AGBL1: variants seen among roughly 807,000 people sequenced by gnomAD.
AGBL1 encodes the protein cytosolic carboxypeptidase 4.
A neutral mutation model predicts 118.9 loss-of-function variants in AGBL1; 130 were observed. The observed-to-expected ratio is 1.09, with a 90% confidence interval of 0.95 to 1.26. AGBL1 has a LOEUF of 1.26. Ranked by LOEUF, AGBL1 falls within the 50% of genes most tolerant of loss-of-function variation. The pLI, the probability that AGBL1 is intolerant of heterozygous loss-of-function variation, is 0.00. For missense variants in AGBL1, 1,584 were observed against 1,298.1 expected (o/e 1.22, Z -3.38); for synonymous variants, 555 against 478.9 (o/e 1.16, Z -2.08).
At chr15:87,023,757 T>G (rs1393476579) in intron 24 of AGBL1, among the ~76,000 whole-genome samples, 1 of 151,966 alleles carries the variant, frequency 6.6e-6, no homozygotes, top group Non-Finnish European at 1.5e-5. Flanking sequence ...TCAATAAATT[T>G]AAGAAAATTG....
intron 24 of AGBL1, among the ~76,000 whole-genome samples, chr15:87,017,819 G>C (rs1242000434): frequency 6.6e-6 from 1 of 152,076 alleles, no homozygotes; most frequent in Admixed American, 6.6e-5. Flanking sequence ...GACAGAAGTA[G>C]GCTTCAGAAG....
chr15:86,677,667 C>T (rs988593892), intron 22 of AGBL1, among the ~76,000 whole-genome samples: 1 of 152,188 alleles, frequency 6.6e-6, no homozygotes, highest in Non-Finnish European at 1.5e-5. Context: ...AGCTGTGCCT[C>T]AGCAATGGCT....
At chr15:86,397,620 C>T (rs899465584) in intron 18 of AGBL1, 74 bp downstream of exon 18, 208 of 1,415,614 alleles carry the variant, frequency 1.5e-4, no homozygotes, top group African/African-American at 8.6e-5. Flanking sequence ...ACCAAGTAGG[C>T]GTGATTGGAG....
At chr15:86,228,382 G>A (rs957761011) in intron 6 of AGBL1, among the ~76,000 whole-genome samples, 4 of 152,154 alleles carry the variant, frequency 2.6e-5, no homozygotes, top group African/African-American at 9.7e-5. Context: ...CTTGATCTTT[G>A]CTTGTCAGTG....
intron 23 of AGBL1, among the ~76,000 whole-genome samples, chr15:86,975,005 G>A (rs72757462): frequency 0.04 from 6,088 of 152,084 alleles, 151 homozygotes; most frequent in Middle Eastern, 0.068. Context: ...AAAATAAGTG[G>A]TTTTGGGGAA....
intron 22 of AGBL1, among the ~76,000 whole-genome samples, chr15:86,826,332 C>A (rs532964745): frequency 6.6e-6 from 1 of 152,102 alleles, no homozygotes; most frequent in East Asian, 1.9e-4. Context: ...TGGTAAAGTC[C>A]GAGGGATGCA....
At position 86,377,186 on chromosome 15, in the gene AGBL1, T is replaced by C. The variant is rs149203671; in HGVS notation, c.2375-20180T>C. Among the ~76,000 whole-genome samples the C allele has an allele frequency of 1.1e-3, 162 of 152,342 alleles. 2 individuals carry two copies. Among genetic ancestry groups the C allele is most frequent in the Non-Finnish European group, 2.2e-3 (149 of 68,038 alleles). On this transcript the variant is annotated intron_variant, in intron 17 of 22. Transcript: ENST00000614907. Reference sequence around the variant, plus strand: ...CCATTCATCTGGGTGCATTGGATTATATGGACCAATGCCCCAAGAGATGGA... The same window carrying C: ...CCATTCATCTGGGTGCATTGGATTACATGGACCAATGCCCCAAGAGATGGA...
intron 22 of AGBL1, among the ~76,000 whole-genome samples, chr15:86,728,576 TA>T (rs879642938): frequency 8.5e-5 from 13 of 152,244 alleles, no homozygotes; most frequent in East Asian, 5.8e-4. Flanking sequence ...TGGGGCTAAA[TA>T]AAAAAACCTT....
intron 22 of AGBL1, among the ~76,000 whole-genome samples, chr15:86,694,794 T>C (rs956714352): frequency 6.6e-6 from 1 of 152,142 alleles, no homozygotes; most frequent in Admixed American, 6.6e-5. Context: ...CTGAAGGTTT[T>C]AGTCATAAAG....
At chr15:86,644,025 TTAAAC>T (rs1480534793) in intron 21 of AGBL1, among the ~76,000 whole-genome samples, 3 of 152,304 alleles carry the variant, frequency 2.0e-5, no homozygotes, top group African/African-American at 7.2e-5. Context: ...ACAAAAAATT[TTAAAC>T]TATTCTTTGG....
Position 86,644,896 on chromosome 15 carries a change from C to T in AGBL1, c.2995-29377C>T, listed in dbSNP as rs1355998250. 3.3e-5 allele frequency among the ~76,000 whole-genome samples: 5 copies of T among 150,834 alleles called. No individual in the cohort carries two copies. In the East Asian group the frequency reaches 9.8e-4, roughly 29 times the overall value. ...AATAGCTGGGCGTGGTGGCACGCACCTGTAGTCCCAGGTACTCGGGAGGCT... is the reference window on the plus strand; with the variant it reads ...AATAGCTGGGCGTGGTGGCACGCACTTGTAGTCCCAGGTACTCGGGAGGCT... On this transcript the variant is annotated intron_variant, in intron 21 of 22. Coordinates refer to ENST00000614907, the MANE Select transcript of AGBL1 (RefSeq NM_001386094.1).
chr15:86,537,902 G>A (rs1252521606), intron 19 of AGBL1, among the ~76,000 whole-genome samples: 5 of 152,058 alleles, frequency 3.3e-5, no homozygotes, highest in African/African-American at 1.2e-4. Context: ...AATAATAGAC[G>A]TTAAAATCAT....
chr15:86,825,784 G>A (rs1193518573), intron 22 of AGBL1, among the ~76,000 whole-genome samples: 2 of 151,578 alleles, frequency 1.3e-5, no homozygotes, highest in Non-Finnish European at 2.9e-5. Flanking sequence ...CTATCAGAAT[G>A]GCTACTTTTT....
At chr15:86,636,925 G>A (rs1294518148) in intron 21 of AGBL1, among the ~76,000 whole-genome samples, 2 of 150,882 alleles carry the variant, frequency 1.3e-5, no homozygotes, top group African/African-American at 4.9e-5. Flanking sequence ...GACTTAAGGT[G>A]GATTTAGAGA....
At chr15:86,324,639 T>A (rs1456185676) in intron 17 of AGBL1, among the ~76,000 whole-genome samples, 1 of 152,198 alleles carries the variant, frequency 6.6e-6, no homozygotes, top group Non-Finnish European at 1.5e-5. Context: ...AGACAGTCGA[T>A]AAACTGTCCA....
chr15:86,980,693 T>C (rs1423369190), intron 23 of AGBL1, among the ~76,000 whole-genome samples: 1 of 152,148 alleles, frequency 6.6e-6, no homozygotes, highest in African/African-American at 2.4e-5. Context: ...ATTGACATCA[T>C]ACTAAATAGA....
chr15:86,801,371 A>C (rs1469553318), intron 22 of AGBL1, among the ~76,000 whole-genome samples: 1 of 147,950 alleles, frequency 6.8e-6, no homozygotes, highest in African/African-American at 2.5e-5. Flanking sequence ...AAGCCTTCTT[A>C]AAAGCCCCTC....
At chr15:86,960,159 G>T (rs1045770973) in intron 23 of AGBL1, among the ~76,000 whole-genome samples, 2 of 152,032 alleles carry the variant, frequency 1.3e-5, no homozygotes, top group African/African-American at 2.4e-5. Flanking sequence ...CGCACAGTCT[G>T]ACTCAACATT....
At chr15:86,119,655 TTGTGTGTGTGTGTG>T (rs59997626) in intron 1 of AGBL1, among the ~76,000 whole-genome samples, 37 of 148,690 alleles carry the variant, frequency 2.5e-4, no homozygotes, top group Admixed American at 1.7e-3. Flanking sequence ...GAAAAGTAGT[TTGTGTGTGTGTGTG>T]TGTGTGTGTG....
Sources: gnomAD v4.1 joint callset for allele counts (sites outside exome capture counted in the v4.1 genomes callset) on GRCh38, gnomAD v4.1.1 for gene constraint, MANE v1.5 for transcripts, NCBI Gene and HGNC (gene_info 2026-07-23, HGNC 2026-07-21) for gene names.